The following PRKN variants were observed in gnomAD, a reference collection of about 807,000 sequenced individuals.
PRKN encodes the protein parkin RBR E3 ubiquitin protein ligase.
PRKN carries 56 observed loss-of-function variants against 59.5 expected under a neutral mutation model. The ratio of observed to expected loss-of-function variants is 0.94; its 90% CI spans 0.76 to 1.18. The LOEUF (loss-of-function observed/expected upper bound fraction) is 1.18, where lower values mean the gene tolerates loss of function less well. PRKN is among the 50% of genes most tolerant of loss of function. The pLI is 0.00. For missense variants in PRKN, 657 were observed against 596.4 expected, an observed-to-expected ratio of 1.10 and a Z score of -1.06; for synonymous variants, 250 against 222.1, an observed-to-expected ratio of 1.13 and a Z score of -1.12.
At chr6:162,179,142 A>T (rs1416658317) in intron 4 of PRKN, among the ~76,000 whole-genome samples, 2 of 152,162 alleles carry the variant, frequency 1.3e-5, no homozygotes, top group African/African-American at 4.8e-5. Context: ...GGCCTCTCGA[A>T]GTGCTGGGAT....
chr6:162,199,154 C>T (rs922807397), intron 4 of PRKN, among the ~76,000 whole-genome samples: 1 of 151,912 alleles, frequency 6.6e-6, no homozygotes, highest in African/African-American at 2.4e-5. Context: ...AACTTCTCAT[C>T]ACCTGAGTGA....
intron 6 of PRKN, among the ~76,000 whole-genome samples, chr6:161,794,278 A>T (rs1400081967): frequency 6.6e-6 from 1 of 152,192 alleles, no homozygotes; most frequent in Non-Finnish European, 1.5e-5. Flanking sequence ...GAGAGTCTGC[A>T]ACACAGGTGC....
chr6:162,450,554 A>G (rs1790576876), intron 1 of PRKN, among the ~76,000 whole-genome samples: 1 of 152,206 alleles, frequency 6.6e-6, no homozygotes, highest in African/African-American at 2.4e-5. Context: ...CATCTTGATC[A>G]TGTTTACCCT....
chr6:161,970,621 T>A (rs1021240069), intron 6 of PRKN, among the ~76,000 whole-genome samples: 1 of 151,578 alleles, frequency 6.6e-6, no homozygotes, highest in Non-Finnish European at 1.5e-5. Flanking sequence ...CACTGCAACC[T>A]CCACCTCCCG....
chr6:162,100,900 G>A (rs1779944151), intron 4 of PRKN, among the ~76,000 whole-genome samples: 1 of 151,988 alleles, frequency 6.6e-6, no homozygotes, highest in African/African-American at 2.4e-5. Context: ...AGTTTATTCT[G>A]TTTCTTTACC....
At chr6:161,788,956 G>A (rs896676283) in intron 6 of PRKN, among the ~76,000 whole-genome samples, 6 of 152,132 alleles carry the variant, frequency 3.9e-5, no homozygotes, top group African/African-American at 1.4e-4. Flanking sequence ...ATACACAGAT[G>A]AAGATATAGA....
intron 1 of PRKN, among the ~76,000 whole-genome samples, chr6:162,579,176 C>T (rs1280078756): frequency 6.6e-6 from 1 of 152,126 alleles, no homozygotes; most frequent in East Asian, 1.9e-4. Flanking sequence ...TCCAATCCTG[C>T]GACTCCCAGT....
rs538435622 is a variant in PRKN at position 162,619,646 on chromosome 6, TATAAC to T, written c.7+108011_7+108015del. Among the ~76,000 whole-genome samples the T allele has an allele frequency of 1.3e-3, 205 of 152,250 alleles. 2 individuals carry two copies. The highest frequency in any genetic ancestry group is 2.1e-3 in the South Asian group (10 of 4,828). On this transcript the variant is annotated intron_variant, in intron 1 of 11. Coordinates refer to ENST00000366898, the MANE Select transcript of PRKN (RefSeq NM_004562.3). ...GTTCTTAGAATATTTTACTTACAAATATAACAGTTGTATAAAAAGTAATAATACAG... is the reference window on the plus strand; with the variant it reads ...GTTCTTAGAATATTTTACTTACAAATAGTTGTATAAAAAGTAATAATACAG...
chr6:161,382,375 CT>C (rs71544907), intron 10 of PRKN, among the ~76,000 whole-genome samples: 10,606 of 152,032 alleles, frequency 0.07, 416 homozygotes, highest in Admixed American at 0.1. Flanking sequence ...CACTGTAGAT[CT>C]ATTAGAGAGA....
chr6:161,867,675 G>A (rs1794165320), intron 6 of PRKN, among the ~76,000 whole-genome samples: 1 of 152,086 alleles, frequency 6.6e-6, no homozygotes, highest in African/African-American at 2.4e-5. Flanking sequence ...TGACACAAAA[G>A]CAAGAGAACT....
chr6:162,311,503 G>T (rs750728315), intron 2 of PRKN, among the ~76,000 whole-genome samples: 9 of 116,614 alleles, frequency 7.7e-5, no homozygotes, highest in Non-Finnish European at 1.3e-4. Flanking sequence ...TTTTTTTTGA[G>T]ACAGAGTCTC....
At chr6:161,977,557 T>C in intron 5 of PRKN, among the ~76,000 whole-genome samples, 1 of 148,570 alleles carries the variant, frequency 6.7e-6, no homozygotes, top group East Asian at 2.0e-4. Context: ...TTTTTTTTTT[T>C]TTTTTTTTAA....
chr6:162,113,577 T>C (rs1475071480), intron 4 of PRKN, among the ~76,000 whole-genome samples: 1 of 152,204 alleles, frequency 6.6e-6, no homozygotes, highest in Admixed American at 6.5e-5. Flanking sequence ...TGTATATGTA[T>C]ACATGTACAC....
At chr6:161,869,456 T>C (rs889717950) in intron 6 of PRKN, among the ~76,000 whole-genome samples, 2 of 152,176 alleles carry the variant, frequency 1.3e-5, no homozygotes, top group Non-Finnish European at 1.5e-5. Context: ...TTAAGAGCCC[T>C]GTGCTATGTT....
At chr6:161,580,546 G>A (rs777402128) in intron 7 of PRKN, among the ~76,000 whole-genome samples, 14 of 151,906 alleles carry the variant, frequency 9.2e-5, no homozygotes, top group Non-Finnish European at 1.6e-4. Flanking sequence ...GTGCAATCTC[G>A]GCTCACTGCA....
At position 161,546,560 on chromosome 6, in the gene PRKN, A is replaced by G. The variant is rs1209008415; in HGVS notation, c.1083+2294T>C. Among the ~76,000 whole-genome samples, 1 of 152,196 alleles carries G rather than the reference A, an allele frequency of 6.6e-6. No homozygotes were observed. The highest frequency in any genetic ancestry group is 1.5e-5 in the Non-Finnish European group (1 of 68,036). Reference sequence around the variant, plus strand: ...GACAGGGAGGGAAAGGAAGGCATACAGTTCAGTGCATCCTTTAGAAAATCA... The same window carrying G: ...GACAGGGAGGGAAAGGAAGGCATACGGTTCAGTGCATCCTTTAGAAAATCA... On this transcript the variant is annotated intron_variant, in intron 9 of 11. Coordinates refer to ENST00000366898, the MANE Select transcript of PRKN (RefSeq NM_004562.3). The surrounding 1 kb of genome is among the most constrained non-coding windows in gnomAD (Gnocchi z 4.4).
At chr6:161,662,004 C>T (rs1053737366) in intron 7 of PRKN, among the ~76,000 whole-genome samples, 2 of 152,078 alleles carry the variant, frequency 1.3e-5, no homozygotes, top group African/African-American at 4.8e-5. Flanking sequence ...GCCTGGGCAA[C>T]AGAGCGAGAC....
intron 1 of PRKN, among the ~76,000 whole-genome samples, chr6:162,697,973 A>G (rs1483901149): frequency 2.6e-5 from 4 of 152,180 alleles, no homozygotes; most frequent in African/African-American, 9.7e-5. Context: ...AAATGACAGA[A>G]TATACACCAC....
At position 161,369,792 on chromosome 6, in the gene PRKN, CAT is replaced by C. The variant is rs1350552858; in HGVS notation, c.1168-9589_1168-9588del. On this transcript the variant is annotated intron_variant, in intron 10 of 11. Coordinates refer to ENST00000366898, the MANE Select transcript of PRKN (RefSeq NM_004562.3). The surrounding 1 kb of genome is among the most constrained non-coding windows in gnomAD (Gnocchi z 5.8). ...ATAATATACTTATATATAGATGTTT[CAT>C]ATATATATTTCATATGATTATAGGA... 1.3e-5 allele frequency among the ~76,000 whole-genome samples: 2 copies of C among 151,332 alleles called. No homozygotes were observed. Among genetic ancestry groups the C allele is most frequent in the South Asian group, 4.2e-4 (2 of 4,788 alleles).
Sources: allele counts gnomAD v4.1 joint callset (sites outside exome capture counted in the v4.1 genomes callset), GRCh38; gene constraint gnomAD v4.1.1; non-coding constraint Gnocchi (gnomAD v3.1); transcripts MANE v1.5; gene names NCBI Gene and HGNC (gene_info 2026-07-23, HGNC 2026-07-21).